Variants in DCDC2 observed in about 807,000 individuals in gnomAD.
DCDC2 encodes doublecortin domain containing 2, also known as doublecortin domain-containing protein 2.
A neutral mutation model predicts 50.2 loss-of-function variants in DCDC2; 40 were observed. The ratio of observed to expected loss-of-function variants is 0.80; its 90% CI spans 0.62 to 1.04. The LOEUF (loss-of-function observed/expected upper bound fraction) is 1.04, where lower values mean the gene tolerates loss of function less well. Ranked by LOEUF, DCDC2 falls within the 50% of genes least tolerant of loss-of-function variation. The pLI is 0.00. For missense variants in DCDC2, 570 were observed against 581.9 expected, an observed-to-expected ratio of 0.98 and a Z score of 0.21; for synonymous variants, 234 against 210.6, an observed-to-expected ratio of 1.11 and a Z score of -0.96.
At chr6:24,185,319 C>A (rs1374992670) in intron 8 of DCDC2, among the ~76,000 whole-genome samples, 2 of 152,166 alleles carry the variant, frequency 1.3e-5, no homozygotes, top group African/African-American at 4.8e-5. Flanking sequence ...ACTTTCCCGG[C>A]ACAGCTATTT....
chr6:24,222,044 G>A (rs1561896144), intron 7 of DCDC2, among the ~76,000 whole-genome samples: 1 of 152,220 alleles, frequency 6.6e-6, no homozygotes, highest in Non-Finnish European at 1.5e-5. Flanking sequence ...GTAGGTCTGG[G>A]TGGAGAGATG....
At chr6:24,204,437 T>C (rs565477268) in intron 8 of DCDC2, among the ~76,000 whole-genome samples, 1 of 152,090 alleles carries the variant, frequency 6.6e-6, no homozygotes, top group Non-Finnish European at 1.5e-5. Context: ...AGCTGAACAA[T>C]GAAAACACAT....
chr6:24,374,896 G>A, the DCDC2 span, among the ~76,000 whole-genome samples: 1 of 152,192 alleles, frequency 6.6e-6, no homozygotes, highest in African/African-American at 2.4e-5. Context: ...AGAATACTCA[G>A]TGAGGCTGCC....
chr6:24,371,214 T>A, the DCDC2 span, among the ~76,000 whole-genome samples: 1 of 140,776 alleles, frequency 7.1e-6, no homozygotes, highest in South Asian at 2.2e-4. Flanking sequence ...GAGGCGGAGG[T>A]TGCAGTGAGC....
chr6:24,277,578 G>A (rs904739941), intron 7 of DCDC2, among the ~76,000 whole-genome samples: 2 of 152,064 alleles, frequency 1.3e-5, no homozygotes, highest in African/African-American at 4.8e-5. Context: ...TAATTTTGCT[G>A]AATAGGTTAT....
At chr6:24,347,803 T>G (rs1379336302) in intron 2 of DCDC2, among the ~76,000 whole-genome samples, 1 of 152,168 alleles carries the variant, frequency 6.6e-6, no homozygotes, top group Non-Finnish European at 1.5e-5. Flanking sequence ...CTATAACTAA[T>G]TTTACCCCTG....
At chr6:24,280,711 T>C (rs1376698010) in intron 6 of DCDC2, among the ~76,000 whole-genome samples, 1 of 151,974 alleles carries the variant, frequency 6.6e-6, no homozygotes, top group East Asian at 1.9e-4. Flanking sequence ...TAAATTTTTT[T>C]GAATTTTTAG....
intron 1 of DCDC2, among the ~76,000 whole-genome samples, chr6:24,354,619 C>T (rs1359709051): frequency 6.6e-6 from 1 of 152,034 alleles, no homozygotes; most frequent in East Asian, 1.9e-4. Context: ...TAAAATGGGT[C>T]TTTTGTGGAC....
At chr6:24,314,340 G>T (rs1236948518) in intron 2 of DCDC2, among the ~76,000 whole-genome samples, 2 of 151,984 alleles carry the variant, frequency 1.3e-5, no homozygotes, top group Non-Finnish European at 2.9e-5. Context: ...AGGTGCAGTG[G>T]CTCATTCCTA....
chr6:24,290,314 C>T (rs1289410013), intron 5 of DCDC2, among the ~76,000 whole-genome samples: 1 of 152,056 alleles, frequency 6.6e-6, no homozygotes, highest in Non-Finnish European at 1.5e-5. Flanking sequence ...TTGAGTGACT[C>T]CGCAGTGTAT....
intron 8 of DCDC2, among the ~76,000 whole-genome samples, chr6:24,190,147 A>G (rs1042829787): frequency 6.6e-6 from 1 of 151,992 alleles, no homozygotes; most frequent in Non-Finnish European, 1.5e-5. Flanking sequence ...ATTCAGAGAC[A>G]TGACCCTGTA....
At chr6:24,197,017 A>G (rs927654743) in intron 8 of DCDC2, among the ~76,000 whole-genome samples, 3 of 152,222 alleles carry the variant, frequency 2.0e-5, no homozygotes, top group Non-Finnish European at 2.9e-5. Context: ...CTCGTATCGA[A>G]CAAATAAACT....
intron 7 of DCDC2, among the ~76,000 whole-genome samples, chr6:24,230,045 C>G (rs1762307650): frequency 6.6e-6 from 1 of 152,196 alleles, no homozygotes; most frequent in East Asian, 1.9e-4. Flanking sequence ...GTAAACAGCT[C>G]TTGCCAGAGT....
At chr6:24,340,392 G>T (rs1760133169) in intron 2 of DCDC2, among the ~76,000 whole-genome samples, 1 of 152,118 alleles carries the variant, frequency 6.6e-6, no homozygotes, top group African/African-American at 2.4e-5. Context: ...GCTAGCGGAA[G>T]GGCAATTTAA....
At position 24,302,187 on chromosome 6, in the gene DCDC2, T is replaced by C. The variant is rs540774604; in HGVS notation, c.349-143A>G. The C allele has an allele frequency of 1.5e-5, 10 of 664,912 alleles. No individual in the cohort carries two copies. In the East Asian group the frequency reaches 2.6e-4, roughly 17 times the overall value. 41.2% of individuals were successfully genotyped at this position (664,912 alleles called of 1,614,324 possible). On this transcript the variant is annotated intron_variant, in intron 2 of 9. Coordinates refer to ENST00000378454, the MANE Select transcript of DCDC2 (RefSeq NM_016356.5). Reference sequence around the variant, plus strand: ...AACCTTGCTTTTCTCAGCATTTCTGTAAACTCTGAGCTCACCCTTTAGCAA... The same window carrying C: ...AACCTTGCTTTTCTCAGCATTTCTGCAAACTCTGAGCTCACCCTTTAGCAA...
intron 8 of DCDC2, among the ~76,000 whole-genome samples, chr6:24,201,842 T>C (rs999375001): frequency 7.9e-5 from 12 of 152,080 alleles, no homozygotes; most frequent in Non-Finnish European, 1.3e-4. Flanking sequence ...CAAATTACCA[T>C]CAGAGAATAC....
At chr6:24,208,605 G>A (rs1040906095) in intron 7 of DCDC2, among the ~76,000 whole-genome samples, 2 of 151,926 alleles carry the variant, frequency 1.3e-5, no homozygotes, top group Non-Finnish European at 2.9e-5. Flanking sequence ...TCCAACCTCA[G>A]GTGATCCACC....
At chr6:24,246,536 G>A in intron 7 of DCDC2, among the ~76,000 whole-genome samples, 1 of 120,728 alleles carries the variant, frequency 8.3e-6, no homozygotes, top group African/African-American at 3.0e-5. Flanking sequence ...ACCTAGGCTG[G>A]AGTTCAGTGG....
chr6:24,326,926 C>G (rs971224741), intron 2 of DCDC2, among the ~76,000 whole-genome samples: 1 of 148,772 alleles, frequency 6.7e-6, no homozygotes, highest in Non-Finnish European at 1.5e-5. Context: ...ATACTGTATT[C>G]TACTTGCAGT....
Sources: gnomAD v4.1 joint callset for allele counts (sites outside exome capture counted in the v4.1 genomes callset) on GRCh38, gnomAD v4.1.1 for gene constraint, MANE v1.5 for transcripts, NCBI Gene and HGNC (gene_info 2026-07-23, HGNC 2026-07-21) for gene names.